ELFN2: variants seen among roughly 807,000 people sequenced by gnomAD.
ELFN2 encodes protein phosphatase 1 regulatory subunit 29.
In ELFN2, 17 loss-of-function variants were observed where a neutral mutation model predicts 45.5. The ratio of observed to expected loss-of-function variants is 0.37; its 90% CI spans 0.26 to 0.56. ELFN2 has a LOEUF of 0.56. ELFN2 is among the 20% of genes least tolerant of loss of function. The pLI, the probability that ELFN2 is intolerant of heterozygous loss-of-function variation, is 0.77. For synonymous variants in ELFN2, 550 were observed against 551.5 expected (o/e 1.00, Z 0.04); for missense variants, 922 against 1,183.2 (o/e 0.78, Z 3.24).
chr22:37,414,978 T>C (rs561430325), intron 2 of ELFN2, among the ~76,000 whole-genome samples: 2 of 152,352 alleles, frequency 1.3e-5, no homozygotes, highest in African/African-American at 4.8e-5. Context: ...CCCTTGGCCT[T>C]GCTCTGGCAA....
chr22:37,407,097 T>C (rs975152153), intron 2 of ELFN2, among the ~76,000 whole-genome samples: 4 of 152,230 alleles, frequency 2.6e-5, no homozygotes, highest in Non-Finnish European at 5.9e-5. Context: ...GATCATGGCC[T>C]ACTGGGTGTG....
At chr22:37,389,578 A>G (rs1932041238) in intron 2 of ELFN2, among the ~76,000 whole-genome samples, 1 of 151,924 alleles carries the variant, frequency 6.6e-6, no homozygotes, top group Admixed American at 6.6e-5. Context: ...GGAATCCTGG[A>G]TGGGTCCTAG....
In ELFN2 at chr22:37,375,677, C is replaced by T; in HGVS notation, c.-143G>A. 3.3e-6 allele frequency: 3 copies of T among 902,912 alleles called. No individual in the cohort carries two copies. The highest frequency in any genetic ancestry group is 1.8e-5 in the South Asian group (1 of 56,058). 55.9% of individuals were successfully genotyped at this position (902,912 alleles called of 1,614,324 possible). A position where few individuals can be genotyped will look rare whatever the true frequency, so the allele number is the denominator to read the frequency against. On this transcript the variant is annotated 5_prime_UTR_variant, in exon 3 of 3. Transcript: ENST00000402918. ...ACGGGGGCCCCAGGCAAGGTGGGTA[C>T]AGCTAGTGCCAACTGCTGGGGATCT...
chr22:37,353,690 C>T (rs891939184), intron 1 of ELFN2: 2 of 150,862 alleles, frequency 1.3e-5, no homozygotes, highest in Admixed American at 1.3e-4. Flanking sequence ...CAGGGAAATG[C>T]GAATTAAAAT....
intron 2 of ELFN2, among the ~76,000 whole-genome samples, chr22:37,394,064 C>G (rs1932149742): frequency 6.6e-6 from 1 of 152,232 alleles, no homozygotes; most frequent in Non-Finnish European, 1.5e-5. Context: ...CCACCTCGTA[C>G]AGATGCAGGG....
At chr22:37,385,985 C>T (rs1167938654) in intron 2 of ELFN2, among the ~76,000 whole-genome samples, 1 of 152,208 alleles carries the variant, frequency 6.6e-6, no homozygotes, top group Non-Finnish European at 1.5e-5. Flanking sequence ...GACCCTCTGA[C>T]AGCTTCCCCT....
intron 2 of ELFN2, among the ~76,000 whole-genome samples, chr22:37,397,418 T>C (rs1308487041): frequency 6.6e-6 from 1 of 152,238 alleles, no homozygotes; most frequent in Admixed American, 6.5e-5. Context: ...CCCATTATTA[T>C]GACTGATGAC....
At position 37,405,089 on chromosome 22, in the gene ELFN2, C is replaced by CTTTTTTTTTTTTTTTTTTTTTT. The variant is rs1491573989; in HGVS notation, c.-463+12679_-463+12680insAAAAAAAAAAAAAAAAAAAAAA. ...GGCCCCTCACCTCCCTGAACCTCAG[C>CTTTTTTTTTTTTTTTTTTTTTT]ATTTTTTTTTTTTTTTTTTTTTTGA... On this transcript the variant is annotated intron_variant, in intron 2 of 2. Coordinates refer to ENST00000402918, the MANE Select transcript of ELFN2 (RefSeq NM_052906.5). Among the ~76,000 whole-genome samples, 2 of 121,534 alleles carry CTTTTTTTTTTTTTTTTTTTTTT rather than the reference C, an allele frequency of 1.6e-5. 1 individual carries two copies. 79.7% of individuals were successfully genotyped at this position (121,534 alleles called of 152,430 possible).
chr22:37,386,517 A>C (rs1931950032), intron 2 of ELFN2, among the ~76,000 whole-genome samples: 1 of 152,154 alleles, frequency 6.6e-6, no homozygotes, highest in African/African-American at 2.4e-5. Context: ...CAGTATGGAC[A>C]CCAGCTGGGG....
rs764581745 is a variant in ELFN2 at position 37,373,946 on chromosome 22, G to A, written c.1589C>T (p.Ser530Leu). The part of the protein sequence containing the change: ...DLPDLENGQG[S>L]AAEISTIAKE... ...GGCAATGGTGGAGATCTCTGCAGCC[G>A]AGCCCTGGCCGTTCTCGAGGTCCGG... is the stretch of plus-strand genomic sequence containing the variant. Residue 530 changes from serine to leucine, a missense_variant, in exon 3 of 3, where the codon TCG becomes TTG. Physicochemically the swap from Ser to Leu is moderately radical, Grantham distance 145. Coordinates refer to ENST00000402918, the MANE Select transcript of ELFN2 (RefSeq NM_052906.5). 2.5e-6 allele frequency: 4 copies of A among 1,612,788 alleles called. No individual in the cohort carries two copies. The highest frequency in any genetic ancestry group is 1.1e-5 in the South Asian group (1 of 91,078).
At chr22:37,419,584 C>T (rs1932793708) in intron 1 of ELFN2, among the ~76,000 whole-genome samples, 1 of 152,110 alleles carries the variant, frequency 6.6e-6, no homozygotes, top group Admixed American at 6.5e-5. Flanking sequence ...AAACCAGGGG[C>T]ACCGTGGACT....
At chr22:37,407,852 G>A (rs959885039) in intron 2 of ELFN2, among the ~76,000 whole-genome samples, 2 of 151,344 alleles carry the variant, frequency 1.3e-5, no homozygotes, top group African/African-American at 2.4e-5. Context: ...CCGAGATCGC[G>A]CCACTACACT....
rs373062614 is a variant in ELFN2 at position 37,386,365 on chromosome 22, G to A, written c.-462-10369C>T. On this transcript the variant is annotated intron_variant, in intron 2 of 2. Coordinates refer to ENST00000402918, the MANE Select transcript of ELFN2 (RefSeq NM_052906.5). ...TAGGACTGGGACACCTGCCTGCTAC[G>A]CCCCCAGCCCCCTGTCCCTAGCATG... 2.4e-4 allele frequency among the ~76,000 whole-genome samples: 36 copies of A among 152,158 alleles called. 1 individual carries two copies. The East Asian group carries it at 4.3e-3, about 18-fold the overall frequency.
chr22:37,341,294 T>C (rs1366536955), intron 2 of ELFN2, among the ~76,000 whole-genome samples: 1 of 152,132 alleles, frequency 6.6e-6, no homozygotes, highest in Non-Finnish European at 1.5e-5. Flanking sequence ...TTTACTGCTG[T>C]CCCCTCTGGA....
chr22:37,355,471 G>T (rs548871801), intron 1 of ELFN2, among the ~76,000 whole-genome samples: 1 of 152,342 alleles, frequency 6.6e-6, no homozygotes, highest in East Asian at 1.9e-4. Context: ...AGCACCTGCC[G>T]TGGTGGCGAG....
intron 2 of ELFN2, among the ~76,000 whole-genome samples, chr22:37,416,700 C>T (rs1404750753): frequency 6.6e-6 from 1 of 152,020 alleles, no homozygotes; most frequent in Non-Finnish European, 1.5e-5. Flanking sequence ...CTGTGCCTCA[C>T]TCCCCAGCCC....
chr22:37,375,546 C>A lies in ELFN2; in HGVS notation c.-12G>T. ...CCCAGGCGCAGCATGGCGCTGGCCT[C>A]GGAGTGAGGGGCCAGGGCAAGGCAG... On this transcript the variant is annotated 5_prime_UTR_variant, in exon 3 of 3. Transcript: ENST00000402918. The A allele has an allele frequency of 3.3e-6, 5 of 1,534,240 alleles. No individual in the cohort carries two copies. Among genetic ancestry groups the A allele is most frequent in the Non-Finnish European group, 3.5e-6 (4 of 1,139,240 alleles).
intron 1 of ELFN2, among the ~76,000 whole-genome samples, chr22:37,421,605 C>T (rs1366956281): frequency 1.3e-5 from 2 of 152,188 alleles, no homozygotes; most frequent in African/African-American, 4.8e-5. Flanking sequence ...GGCAGGGGCT[C>T]CTCTCTGGGG....
Position 37,403,591 on chromosome 22 carries a change from C to T in ELFN2, c.-463+14178G>A, listed in dbSNP as rs553436814. ...AGAAGCGAGAGGGCCTGGGAGGCTG[C>T]GGCCTCGGGGTCTAGCGAGGGGCTG... On this transcript the variant is annotated intron_variant, in intron 2 of 2. Transcript: ENST00000402918. Among the ~76,000 whole-genome samples the T allele has an allele frequency of 7.9e-5, 12 of 152,266 alleles. No individual in the cohort carries two copies. In the South Asian group the frequency reaches 1.0e-3, roughly 13 times the overall value.
Sources: allele counts gnomAD v4.1 joint callset (sites outside exome capture counted in the v4.1 genomes callset), GRCh38; gene constraint gnomAD v4.1.1; transcripts MANE v1.5; gene names NCBI Gene and HGNC (gene_info 2026-07-23, HGNC 2026-07-21).